The following SLC7A8 variants were observed in gnomAD, a reference collection of about 807,000 sequenced individuals.
SLC7A8 encodes the protein solute carrier family 7 member 8, also known as large neutral amino acids transporter small subunit 2.
A neutral mutation model predicts 51.2 loss-of-function variants in SLC7A8; 30 were observed. That is an observed-to-expected ratio of 0.59 (90% CI 0.44 to 0.80). The LOEUF (loss-of-function observed/expected upper bound fraction) is 0.80. SLC7A8 is among the 30% of genes least tolerant of loss of function. The probability of loss-of-function intolerance (pLI) is 0.00; values close to 1 mark genes in which losing one functional copy is unlikely to be tolerated. For synonymous variants in SLC7A8, 257 were observed against 275.8 expected, an observed-to-expected ratio of 0.93 and a Z score of 0.67; for missense variants, 612 against 674.4, an observed-to-expected ratio of 0.91 and a Z score of 1.03.
At chr14:23,129,254 G>A (rs2048608983) in intron 9 of SLC7A8, 2 of 171,074 alleles carry the variant, frequency 1.2e-5, no homozygotes, top group Non-Finnish European at 2.5e-5. Flanking sequence ...AATGTAGATG[G>A]GCAGATGGGA....
In SLC7A8 at chr14:23,166,355, T is replaced by C. The variant is rs779769349; in HGVS notation, c.337A>G (p.Ile113Val). ...SGGDYSYVKD[I>V]FGGLAGFLRL... Reference sequence around the variant, plus strand: ...TCTTACCCAGCCAGTCCTCCGAAGATGTCCTTGACATAGGAGTAGTCACCT... The same window carrying C: ...TCTTACCCAGCCAGTCCTCCGAAGACGTCCTTGACATAGGAGTAGTCACCT... Residue 113 changes from isoleucine to valine, a missense_variant, in exon 2 of 11, where the codon ATC becomes GTC. Transcript: ENST00000316902. The C allele has an allele frequency of 1.2e-6, 2 of 1,613,824 alleles. No homozygotes were observed. Among genetic ancestry groups the C allele is most frequent in the South Asian group, 2.2e-5 (2 of 91,086 alleles).
chr14:23,161,930 A>C (rs1217070260), intron 3 of SLC7A8, among the ~76,000 whole-genome samples: 1 of 151,036 alleles, frequency 6.6e-6, no homozygotes. Context: ...CCATCTAAAA[A>C]AAAAAAAAAA....
intron 3 of SLC7A8, among the ~76,000 whole-genome samples, chr14:23,149,267 G>A (rs1052558021): frequency 1.3e-5 from 2 of 152,206 alleles, no homozygotes; most frequent in African/African-American, 2.4e-5. Context: ...AACTCTAGCA[G>A]TGTTTTTCCT....
At chr14:23,156,102 G>A (rs1040530630) in intron 3 of SLC7A8, among the ~76,000 whole-genome samples, 7 of 151,696 alleles carry the variant, frequency 4.6e-5, no homozygotes, top group Non-Finnish European at 7.4e-5. Flanking sequence ...GGGTTCAAGC[G>A]ATTCTCCTGC....
At chr14:23,148,834 T>C (rs923002474) in intron 3 of SLC7A8, among the ~76,000 whole-genome samples, 3 of 152,224 alleles carry the variant, frequency 2.0e-5, no homozygotes, top group Non-Finnish European at 4.4e-5. Context: ...CTTCTGACTT[T>C]CAGGACTAAG....
chr14:23,177,881 GTATT>G (rs1876992400), intron 1 of SLC7A8, among the ~76,000 whole-genome samples: 1 of 152,176 alleles, frequency 6.6e-6, no homozygotes, highest in South Asian at 2.1e-4. Context: ...TATACAATAA[GTATT>G]CATTCATCTA....
At chr14:23,160,167 C>T (rs2048913914) in intron 3 of SLC7A8, among the ~76,000 whole-genome samples, 1 of 152,154 alleles carries the variant, frequency 6.6e-6, no homozygotes, top group African/African-American at 2.4e-5. Context: ...CAGATGGAAG[C>T]CTGGGAAAGG....
chr14:23,158,385 G>T (rs998524988), intron 3 of SLC7A8, among the ~76,000 whole-genome samples: 1 of 152,052 alleles, frequency 6.6e-6, no homozygotes, highest in Non-Finnish European at 1.5e-5. Flanking sequence ...TAGCTCTGTC[G>T]CCCAGGCTGG....
chr14:23,143,639 T>C (rs2048765243), intron 3 of SLC7A8, among the ~76,000 whole-genome samples: 1 of 152,244 alleles, frequency 6.6e-6, no homozygotes, highest in Admixed American at 6.5e-5. Context: ...TTACTTAGGT[T>C]TATTGAGATA....
intron 1 of SLC7A8, among the ~76,000 whole-genome samples, chr14:23,174,108 T>G (rs2048988120): frequency 6.6e-6 from 1 of 152,244 alleles, no homozygotes; most frequent in African/African-American, 2.4e-5. Flanking sequence ...GTCTATGGCA[T>G]GCCGATGCAA....
intron 8 of SLC7A8, among the ~76,000 whole-genome samples, chr14:23,130,649 A>G (rs1038919230): frequency 6.6e-6 from 1 of 152,228 alleles, no homozygotes; most frequent in Non-Finnish European, 1.5e-5. Context: ...TTCTCCAGCC[A>G]CCTTCGACAA....
chr14:23,149,752 C>T (rs2048830373), intron 3 of SLC7A8, among the ~76,000 whole-genome samples: 2 of 152,220 alleles, frequency 1.3e-5, no homozygotes, highest in Admixed American at 1.3e-4. Flanking sequence ...TCATGTGCTA[C>T]ATAATGACAT....
At chr14:23,180,085 T>C (rs1393635556) in intron 1 of SLC7A8, among the ~76,000 whole-genome samples, 1 of 152,088 alleles carries the variant, frequency 6.6e-6, no homozygotes, top group African/African-American at 2.4e-5. Context: ...TTTTGTATTT[T>C]TTAGTAGAGA....
intron 7 of SLC7A8, 139 bp downstream of exon 7, chr14:23,137,782 T>G: frequency 9.6e-7 from 1 of 1,042,812 alleles, no homozygotes; most frequent in Non-Finnish European, 1.4e-6. Flanking sequence ...CGCCCTCATG[T>G]GAGCAGTCAC....
In SLC7A8 at chr14:23,134,331, G is replaced by T. The variant is rs553206386; in HGVS notation, c.1017-2774C>A. 3.3e-5 allele frequency among the ~76,000 whole-genome samples: 5 copies of T among 150,890 alleles called. No homozygotes were observed. In the South Asian group the frequency reaches 8.4e-4, roughly 25 times the overall value. On this transcript the variant is annotated intron_variant, in intron 7 of 10. Transcript: ENST00000316902. ...GCGTGCCTGTAGTTCCAGCTACTGA[G>T]GGGGCTGAGGTGGGAGGATCACTTG... is the stretch of plus-strand genomic sequence containing the variant.
chr14:23,164,855 G>C (rs1228605902), intron 3 of SLC7A8, among the ~76,000 whole-genome samples: 1 of 152,096 alleles, frequency 6.6e-6, no homozygotes, highest in East Asian at 1.9e-4. Context: ...AGCCGGGCAT[G>C]GTGGCTCACG....
At position 23,138,023 on chromosome 14, in the gene SLC7A8, G is replaced by C. The variant is rs756457060; in HGVS notation, c.914C>G (p.Thr305Ser). 1 of 1,613,860 alleles carries C rather than the reference G, an allele frequency of 6.2e-7. No homozygotes were observed. The highest frequency in any genetic ancestry group is 8.5e-7 in the Non-Finnish European group (1 of 1,179,970). Residue 305 changes from threonine to serine, a missense_variant and splice_region_variant, in exon 7 of 11, where the codon ACT (threonine) becomes AGT (serine). Coordinates refer to ENST00000316902, the MANE Select transcript of SLC7A8 (RefSeq NM_012244.4). ...GACTCCTAGGAGCTTCTCTCCAAAAGTCTGGGAGAGGAACCAAGGAGATAA... is the reference window on the plus strand; with the variant it reads ...GACTCCTAGGAGCTTCTCTCCAAAACTCTGGGAGAGGAACCAAGGAGATAA... ...ELLASNAVAV[T>S]FGEKLLGVMA... is the part of the protein sequence containing the mutation.
chr14:23,173,984 A>C (rs954226135), intron 1 of SLC7A8, among the ~76,000 whole-genome samples: 1 of 152,220 alleles, frequency 6.6e-6, no homozygotes, highest in South Asian at 2.1e-4. Context: ...TTGCACAGCT[A>C]AGTAAACTGA....
At chr14:23,163,551 G>A (rs2048934698) in intron 3 of SLC7A8, among the ~76,000 whole-genome samples, 1 of 152,184 alleles carries the variant, frequency 6.6e-6, no homozygotes, top group African/African-American at 2.4e-5. Context: ...CGCCTCTTGG[G>A]TCCCAGCTGC....
Sources: allele counts gnomAD v4.1 joint callset (sites outside exome capture counted in the v4.1 genomes callset), GRCh38; gene constraint gnomAD v4.1.1; transcripts MANE v1.5; gene names NCBI Gene and HGNC (gene_info 2026-07-23, HGNC 2026-07-21).